PCDHA2: variants seen among roughly 807,000 people sequenced by gnomAD.
PCDHA2 encodes protocadherin alpha-2.
In PCDHA2, 58 loss-of-function variants were observed where a neutral mutation model predicts 66.0. The ratio of observed to expected loss-of-function variants is 0.88; its 90% CI spans 0.71 to 1.09. The LOEUF is 1.09. Among genes scored for constraint, PCDHA2 ranks in the 50% least tolerant of loss-of-function variants. The probability of loss-of-function intolerance (pLI) is 0.00; values close to 1 mark genes in which losing one functional copy is unlikely to be tolerated. For missense variants in PCDHA2, 1,267 were observed against 1,242.3 expected (o/e 1.02, Z -0.30); for synonymous variants, 634 against 554.0 (o/e 1.14, Z -2.03).
chr5:140,877,730 A>G (rs782465464), intron 1 of PCDHA2: 1 of 1,614,146 alleles, frequency 6.2e-7, no homozygotes, highest in Non-Finnish European at 8.5e-7. Flanking sequence ...TACTCGCAGC[A>G]GAGGAGGCAG....
At chr5:140,943,861 A>AG (rs2093579644) in intron 1 of PCDHA2, among the ~76,000 whole-genome samples, 1 of 152,230 alleles carries the variant, frequency 6.6e-6, no homozygotes, top group South Asian at 2.1e-4. Flanking sequence ...AGTCAAGAAG[A>AG]GGTCTCTGAA....
At chr5:140,886,554 A>G (rs2061020893) in intron 1 of PCDHA2, among the ~76,000 whole-genome samples, 1 of 152,078 alleles carries the variant, frequency 6.6e-6, no homozygotes, top group South Asian at 2.1e-4. Flanking sequence ...CCAGCTGGGC[A>G]CGGTGGCTCA....
intron 1 of PCDHA2, chr5:140,842,158 T>C: frequency 3.1e-6 from 5 of 1,613,882 alleles, no homozygotes; most frequent in Non-Finnish European, 4.2e-6. Flanking sequence ...CAATTTCATA[T>C]TCTTTTAATA....
chr5:140,873,025 C>T (rs1206957639), intron 1 of PCDHA2, among the ~76,000 whole-genome samples: 1 of 152,148 alleles, frequency 6.6e-6, no homozygotes, highest in African/African-American at 2.4e-5. Context: ...GTTATTCTTA[C>T]TACACGTAGA....
chr5:140,839,165 G>GA (rs2150295216), intron 1 of PCDHA2, among the ~76,000 whole-genome samples: 88,383 of 151,582 alleles, frequency 0.58, 26,857 homozygotes, highest in African/African-American at 0.73. Context: ...CTTGTTGAAA[G>GA]ATATTCAGTT....
Position 140,981,745 on chromosome 5 carries a change from T to C in PCDHA2, c.2448-730T>C, listed in dbSNP as rs145941614. On this transcript the variant is annotated intron_variant, in intron 2 of 3. Coordinates refer to ENST00000526136, the MANE Select transcript of PCDHA2 (RefSeq NM_018905.3). ...CAAATATTTGAGAGATTAATATGAG[T>C]TAGTATTAGACATACATAAATGAAT... Among the ~76,000 whole-genome samples the C allele has an allele frequency of 1.1e-3, 160 of 152,294 alleles. 1 individual carries two copies. The East Asian group carries it at 0.027, about 25-fold the overall frequency.
At chr5:140,925,479 A>G (rs2082513030) in intron 1 of PCDHA2, among the ~76,000 whole-genome samples, 1 of 152,116 alleles carries the variant, frequency 6.6e-6, no homozygotes. Context: ...TGTTTCTCAT[A>G]GAACTGATCA....
At chr5:140,872,582 G>T (rs535860760) in intron 1 of PCDHA2, among the ~76,000 whole-genome samples, 2 of 152,202 alleles carry the variant, frequency 1.3e-5, no homozygotes, top group African/African-American at 4.8e-5. Context: ...ACCTATCATC[G>T]TGAGACCCCC....
intron 1 of PCDHA2, chr5:140,852,695 T>G: frequency 1.0e-6 from 1 of 976,386 alleles, no homozygotes; most frequent in Non-Finnish European, 1.2e-6. Context: ...GTCTTATACT[T>G]TCAAGTATCT....
chr5:140,974,043 TATG>T (rs1554235772), intron 1 of PCDHA2, among the ~76,000 whole-genome samples: 1 of 152,238 alleles, frequency 6.6e-6, no homozygotes, highest in Non-Finnish European at 1.5e-5. Flanking sequence ...AGCTTATTAA[TATG>T]ATAATATTTG....
At chr5:140,828,819 A>G (rs140245330) in intron 1 of PCDHA2, 13 of 1,614,106 alleles carry the variant, frequency 8.1e-6, no homozygotes, top group Non-Finnish European at 1.1e-5. Context: ...CCCACTTTCG[A>G]ACAGTCTGAA....
rs2150356626 is a variant in PCDHA2 at position 140,843,293 on chromosome 5, G to A, written c.2388+45941G>A. ...CCTGGTGAAGGATCATGGTGAACCT[G>A]CGCTGACCGCCACGGCCACGGTTCT... is the stretch of plus-strand genomic sequence containing the variant. On this transcript the variant is annotated intron_variant, in intron 1 of 3. Coordinates refer to ENST00000526136, the MANE Select transcript of PCDHA2 (RefSeq NM_018905.3). The A allele has an allele frequency of 3.8e-6, 6 of 1,595,972 alleles. No homozygotes were observed. In the African/African-American group the frequency reaches 4.0e-5, roughly 11 times the overall value.
chr5:140,924,901 A>AATAAAAT lies in PCDHA2; in HGVS notation c.2389-54047_2389-54046insTAAAATA, dbSNP rs145282866. On this transcript the variant is annotated intron_variant, in intron 1 of 3. Transcript: ENST00000526136. The stretch of plus-strand genomic sequence containing the variant: ...CAGAGCAAGAACCTGTCTCAAAAAA[A>AATAAAAT]AAAATAAAATAAAATAAAATAAAAT... 2.3e-3 allele frequency among the ~76,000 whole-genome samples: 186 copies of AATAAAAT among 80,480 alleles called. 2 individuals carry two copies. The highest frequency in any genetic ancestry group is 0.012 in the Middle Eastern group (2 of 162). The allele number at this position is 80,480 out of a possible 152,430, so 52.8% of individuals were successfully genotyped here. A position where few individuals can be genotyped will look rare whatever the true frequency, so the allele number is the denominator to read the frequency against.
intron 1 of PCDHA2, chr5:140,930,379 G>T (rs1249793792): frequency 6.6e-6 from 1 of 151,896 alleles, no homozygotes; most frequent in African/African-American, 2.4e-5. Flanking sequence ...GTGGCCCTTG[G>T]CATTTCAAAA....
At chr5:140,821,790 G>A in intron 1 of PCDHA2, 1 of 1,612,306 alleles carries the variant, frequency 6.2e-7, no homozygotes, top group Non-Finnish European at 8.5e-7. Flanking sequence ...TATATTCCCG[G>A]AGAGGAAGTC....
chr5:140,871,935 T>A (rs373740331), intron 1 of PCDHA2, among the ~76,000 whole-genome samples: 2 of 152,262 alleles, frequency 1.3e-5, no homozygotes, highest in Non-Finnish European at 2.9e-5. Flanking sequence ...TTAGATCAAC[T>A]GGCTTTGTTT....
chr5:140,822,397 C>A, intron 1 of PCDHA2: 1 of 1,613,980 alleles, frequency 6.2e-7, no homozygotes, highest in Non-Finnish European at 8.5e-7. Context: ...ACAAGAACAC[C>A]GTTTATTAGT....
At chr5:140,816,734 C>T (rs1765976925) in intron 1 of PCDHA2, 1 of 152,004 alleles carries the variant, frequency 6.6e-6, no homozygotes, top group Non-Finnish European at 1.5e-5. Context: ...CAAACCTTTT[C>T]TGTGGATGCA....
chr5:140,809,002 G>T (rs1764330578), intron 1 of PCDHA2: 1 of 1,613,678 alleles, frequency 6.2e-7, no homozygotes, highest in Non-Finnish European at 8.5e-7. Flanking sequence ...GCTACAACGC[G>T]TGGCTTTCGT....
Sources: gnomAD v4.1 joint callset for allele counts (sites outside exome capture counted in the v4.1 genomes callset) on GRCh38, gnomAD v4.1.1 for gene constraint, MANE v1.5 for transcripts, NCBI Gene and HGNC (gene_info 2026-07-23, HGNC 2026-07-21) for gene names.